PTGIS: variants seen among roughly 807,000 people sequenced by gnomAD.
PTGIS encodes the protein prostacyclin synthase.
In PTGIS, 45 loss-of-function variants were observed where a neutral mutation model predicts 50.3. That is an observed-to-expected ratio of 0.90 (90% CI 0.70 to 1.15). The LOEUF (loss-of-function observed/expected upper bound fraction) is 1.15. PTGIS is among the 50% of genes most tolerant of loss of function. The pLI is 0.00. For missense variants in PTGIS, 668 were observed against 661.3 expected, an observed-to-expected ratio of 1.01 and a Z score of -0.11; for synonymous variants, 260 against 267.7, an observed-to-expected ratio of 0.97 and a Z score of 0.28.
intron 4 of PTGIS, among the ~76,000 whole-genome samples, chr20:49,541,489 T>G (rs1434483943): frequency 1.3e-5 from 2 of 152,100 alleles, no homozygotes; most frequent in African/African-American, 4.8e-5. Context: ...CCTAGCACTT[T>G]GGGATGCCGA....
chr20:49,544,264 T>C (rs367993974), intron 4 of PTGIS, 41 bp downstream of exon 4: 1 of 1,612,092 alleles, frequency 6.2e-7, no homozygotes, highest in Non-Finnish European at 8.5e-7. Flanking sequence ...CAGGTCAAAG[T>C]GCCGGGCCCC....
intron 1 of PTGIS, among the ~76,000 whole-genome samples, chr20:49,552,533 G>C (rs996167474): frequency 1.5e-4 from 23 of 149,996 alleles, no homozygotes; most frequent in Middle Eastern, 3.4e-3. Flanking sequence ...CTCTCTCTCT[G>C]TCTGTCTCTC....
intron 1 of PTGIS, among the ~76,000 whole-genome samples, chr20:49,561,007 C>T (rs1465865667): frequency 6.6e-6 from 1 of 152,122 alleles, no homozygotes; most frequent in Non-Finnish European, 1.5e-5. Flanking sequence ...ACCGTGACCC[C>T]CCCAGGAGAG....
chr20:49,558,012 T>C (rs1473043266), intron 1 of PTGIS, among the ~76,000 whole-genome samples: 1 of 152,188 alleles, frequency 6.6e-6, no homozygotes, highest in Non-Finnish European at 1.5e-5. Context: ...TCTAAATTGA[T>C]TGAGACCTGT....
intron 9 of PTGIS, among the ~76,000 whole-genome samples, chr20:49,509,668 A>G (rs1438277076): frequency 6.6e-6 from 1 of 152,148 alleles, no homozygotes; most frequent in African/African-American, 2.4e-5. Context: ...AAATATACAC[A>G]TGCACACAAC....
intron 1 of PTGIS, among the ~76,000 whole-genome samples, chr20:49,562,526 G>A (rs1237332546): frequency 6.6e-6 from 1 of 152,236 alleles, no homozygotes; most frequent in Non-Finnish European, 1.5e-5. Flanking sequence ...GGGGGCGAAG[G>A]AGGCTCTGTT....
At chr20:49,555,042 G>A (rs1382945166) in intron 1 of PTGIS, among the ~76,000 whole-genome samples, 8 of 152,026 alleles carry the variant, frequency 5.3e-5, no homozygotes, top group African/African-American at 1.9e-4. Flanking sequence ...AAGCTGAAGC[G>A]GGTGGATCAC....
At chr20:49,566,221 G>T (rs1982894335) in intron 1 of PTGIS, among the ~76,000 whole-genome samples, 1 of 152,144 alleles carries the variant, frequency 6.6e-6, no homozygotes, top group Non-Finnish European at 1.5e-5. Context: ...CAAGAGGGAA[G>T]ATCCATCTCA....
intron 5 of PTGIS, among the ~76,000 whole-genome samples, chr20:49,536,404 G>T (rs76951381): frequency 6.6e-6 from 1 of 151,478 alleles, no homozygotes; most frequent in Non-Finnish European, 1.5e-5. Context: ...GCTTAACCTC[G>T]TATCTGGCAC....
At chr20:49,556,197 G>A (rs755105231) in intron 1 of PTGIS, among the ~76,000 whole-genome samples, 5 of 152,100 alleles carry the variant, frequency 3.3e-5, no homozygotes, top group Non-Finnish European at 5.9e-5. Flanking sequence ...AACTATTTGT[G>A]AGTATTCTTA....
chr20:49,561,247 G>A (rs476496), intron 1 of PTGIS, among the ~76,000 whole-genome samples: 117,195 of 152,010 alleles, frequency 0.77, 45,665 homozygotes, highest in African/African-American at 0.87. Context: ...CAGCTCGTGG[G>A]CAGGAGCAAA....
At chr20:49,565,064 G>A (rs189888262) in intron 1 of PTGIS, among the ~76,000 whole-genome samples, 48 of 148,538 alleles carry the variant, frequency 3.2e-4, no homozygotes, top group Admixed American at 7.5e-4. Context: ...TCCATCTCCC[G>A]GCTTCATGCC....
At chr20:49,511,361 G>A (rs1981315755) in intron 8 of PTGIS, among the ~76,000 whole-genome samples, 182 bp from the exon 9 acceptor site, 1 of 152,154 alleles carries the variant, frequency 6.6e-6, no homozygotes, top group African/African-American at 2.4e-5. Context: ...GTACTGACAT[G>A]GAAAGAATTT....
intron 4 of PTGIS, among the ~76,000 whole-genome samples, chr20:49,542,006 G>A (rs985487989): frequency 1.3e-5 from 2 of 152,180 alleles, no homozygotes; most frequent in Non-Finnish European, 2.9e-5. Context: ...GGTGGCGCTC[G>A]CGATAAGGCT....
chr20:49,564,453 G>A (rs191396312), intron 1 of PTGIS, among the ~76,000 whole-genome samples: 3 of 152,034 alleles, frequency 2.0e-5, no homozygotes, highest in South Asian at 2.1e-4. Context: ...GGGTTTCATC[G>A]TGTTAGCCAG....
chr20:49,521,410 C>T (rs577954791), intron 6 of PTGIS, among the ~76,000 whole-genome samples: 3 of 152,310 alleles, frequency 2.0e-5, no homozygotes, highest in East Asian at 3.9e-4. Flanking sequence ...ACGCTGTCAA[C>T]GACTCAACCT....
chr20:49,546,374 A>G (rs1420843758), intron 3 of PTGIS, among the ~76,000 whole-genome samples: 1 of 152,228 alleles, frequency 6.6e-6, no homozygotes, highest in Non-Finnish European at 1.5e-5. Flanking sequence ...TCAGGCTCCA[A>G]GCAGCTGCCC....
At chr20:49,565,167 G>A (rs1430110608) in intron 1 of PTGIS, among the ~76,000 whole-genome samples, 1 of 149,712 alleles carries the variant, frequency 6.7e-6, no homozygotes, top group Non-Finnish European at 1.5e-5. Context: ...TTTTTTAGTA[G>A]CGATGAGGTT....
intron 6 of PTGIS, among the ~76,000 whole-genome samples, chr20:49,517,622 C>T (rs1449543500): frequency 6.6e-6 from 1 of 152,250 alleles, no homozygotes; most frequent in Non-Finnish European, 1.5e-5. Context: ...GACCCAAAAG[C>T]AGTGCCACCC....
Sources: allele counts gnomAD v4.1 joint callset (sites outside exome capture counted in the v4.1 genomes callset), GRCh38; gene constraint gnomAD v4.1.1; transcripts MANE v1.5; gene names NCBI Gene and HGNC (gene_info 2026-07-23, HGNC 2026-07-21).